The following SAMD5 variants were observed in gnomAD, a reference collection of about 807,000 sequenced individuals.
The protein encoded by SAMD5 is sterile alpha motif domain-containing protein 5.
A neutral mutation model predicts 11.3 loss-of-function variants in SAMD5; 13 were observed. The observed-to-expected ratio is 1.15, with a 90% CI of 0.75 to 1.83. The LOEUF is 1.83. SAMD5 is among the 40% of genes most tolerant of loss of function. The pLI, the probability that SAMD5 is intolerant of heterozygous loss-of-function variation, is 0.00. For missense variants in SAMD5, 255 were observed against 239.1 expected, an observed-to-expected ratio of 1.07 and a Z score of -0.44; for synonymous variants, 129 against 111.3, an observed-to-expected ratio of 1.16 and a Z score of -1.00.
intron 1 of SAMD5, among the ~76,000 whole-genome samples, chr6:147,673,421 G>C (rs1216916797): frequency 1.3e-5 from 2 of 152,092 alleles, no homozygotes; most frequent in African/African-American, 4.8e-5. Flanking sequence ...CACTGTGTTA[G>C]CCAGGATGGT....
At chr6:147,772,298 T>C in the SAMD5 span, among the ~76,000 whole-genome samples, 2 of 152,132 alleles carry the variant, frequency 1.3e-5, no homozygotes, top group African/African-American at 4.8e-5. Flanking sequence ...AGAAGTCAGC[T>C]GGACAAATGG....
rs116820432 is a variant in SAMD5, at chr6:147,565,986, C to G, written c.*1530C>G. The G allele has an allele frequency of 1.0e-6, 1 of 985,180 alleles. No individual in the cohort carries two copies. 61.0% of individuals were successfully genotyped at this position (985,180 alleles called of 1,614,324 possible). Reference sequence around the variant, plus strand: ...CCGTCATGGTAAGAAGAATAAGAAACTCTCAAAGGAAAAGAAACTTACATT... The same window carrying G: ...CCGTCATGGTAAGAAGAATAAGAAAGTCTCAAAGGAAAAGAAACTTACATT... On this transcript the variant is annotated 3_prime_UTR_variant, in exon 2 of 2. Coordinates refer to ENST00000367474, the MANE Select transcript of SAMD5 (RefSeq NM_001030060.3).
chr6:147,775,670 T>C, the SAMD5 span, among the ~76,000 whole-genome samples: 3 of 152,170 alleles, frequency 2.0e-5, no homozygotes, highest in African/African-American at 7.2e-5. Context: ...AGTTGGGAAA[T>C]GGAAGAAGAA....
At chr6:147,633,523 C>T (rs1181510011) in intron 1 of SAMD5, among the ~76,000 whole-genome samples, 1 of 152,074 alleles carries the variant, frequency 6.6e-6, no homozygotes, top group Non-Finnish European at 1.5e-5. Context: ...AGGGAGGAAG[C>T]TTATACCACC....
At chr6:147,915,572 C>A in the SAMD5 span, among the ~76,000 whole-genome samples, 2 of 152,132 alleles carry the variant, frequency 1.3e-5, no homozygotes, top group African/African-American at 4.8e-5. Context: ...TAAGCCATTG[C>A]GCATCAAGTG....
the SAMD5 span, among the ~76,000 whole-genome samples, chr6:147,816,511 G>A: frequency 2.6e-5 from 4 of 151,436 alleles, no homozygotes; most frequent in South Asian, 8.3e-4. Context: ...GAGTACTTAT[G>A]TAATATTATC....
rs899735206 is a variant in SAMD5 at position 147,569,664 on chromosome 6, G to A, written c.*5208G>A. ...TATTGTTCATTGCACTTGTTGCCCT[G>A]TTCCCCAAGCTTGTCAATGTTTAGA... is the stretch of plus-strand genomic sequence containing the variant. On this transcript the variant is annotated 3_prime_UTR_variant, in exon 2 of 2. Transcript: ENST00000367474. The A allele has an allele frequency of 3.0e-6, 3 of 985,286 alleles. No individual in the cohort carries two copies. The highest frequency in any genetic ancestry group is 3.5e-5 in the African/African-American group (2 of 57,244). The allele number at this position is 985,286 out of a possible 1,614,324, so 61.0% of individuals were successfully genotyped here.
chr6:147,589,494 A>G (rs1421873536), intron 1 of SAMD5, among the ~76,000 whole-genome samples: 1 of 152,116 alleles, frequency 6.6e-6, no homozygotes, highest in African/African-American at 2.4e-5. Context: ...ACCTGGGTCC[A>G]AATCCCAGCT....
intron 1 of SAMD5, among the ~76,000 whole-genome samples, chr6:147,583,825 A>ACG (rs1789336177): frequency 1.3e-5 from 2 of 152,002 alleles, no homozygotes; most frequent in South Asian, 4.2e-4. Context: ...TCAAACACAC[A>ACG]CACACACACA....
At chr6:147,882,122 C>G in the SAMD5 span, among the ~76,000 whole-genome samples, 1 of 152,146 alleles carries the variant, frequency 6.6e-6, no homozygotes, top group South Asian at 2.1e-4. Flanking sequence ...AAATTTTCTT[C>G]TCAGTTGTAG....
At chr6:147,681,765 CAG>C (rs1562350572) in intron 1 of SAMD5, among the ~76,000 whole-genome samples, 1 of 152,158 alleles carries the variant, frequency 6.6e-6, no homozygotes. Context: ...AGGACCCAAA[CAG>C]TGTTTATTCT....
chr6:147,534,617 T>TA (rs1218856616), intron 1 of SAMD5, among the ~76,000 whole-genome samples: 1 of 152,136 alleles, frequency 6.6e-6, no homozygotes, highest in Non-Finnish European at 1.5e-5. Flanking sequence ...GAGTTAGGGT[T>TA]AAAATCATAG....
At chr6:147,783,634 A>G in the SAMD5 span, among the ~76,000 whole-genome samples, 1 of 152,050 alleles carries the variant, frequency 6.6e-6, no homozygotes, top group Non-Finnish European at 1.5e-5. Context: ...CCTGACCTCA[A>G]GTGATCTGCC....
chr6:147,943,018 G>A, the SAMD5 span, among the ~76,000 whole-genome samples: 3 of 151,746 alleles, frequency 2.0e-5, no homozygotes, highest in South Asian at 2.1e-4. Flanking sequence ...ATGGAGTTTT[G>A]CTATATTGGC....
chr6:147,798,497 C>T, the SAMD5 span, among the ~76,000 whole-genome samples: 1 of 149,534 alleles, frequency 6.7e-6, no homozygotes, highest in South Asian at 2.2e-4. Flanking sequence ...AGTATGTGGT[C>T]AATTTTGGAA....
At chr6:147,563,695 G>C (rs541896119) in intron 1 of SAMD5, among the ~76,000 whole-genome samples, 1 of 152,216 alleles carries the variant, frequency 6.6e-6, no homozygotes, top group African/African-American at 2.4e-5. Context: ...ACCTATCAGA[G>C]CTTGGAGATA....
At position 147,565,717 on chromosome 6, in the gene SAMD5, C is replaced by A; in HGVS notation, c.*1261C>A. ...TCAAATGATCCACTCGCCGTGGCCT[C>A]CAGTAGCGCTGGGATTACAGGCGTG... On this transcript the variant is annotated 3_prime_UTR_variant, in exon 2 of 2. Coordinates refer to ENST00000367474, the MANE Select transcript of SAMD5 (RefSeq NM_001030060.3). 1.0e-6 allele frequency: 1 copy of A among 958,882 alleles called. No individual in the cohort carries two copies. The highest frequency in any genetic ancestry group is 1.2e-6 in the Non-Finnish European group (1 of 805,866). 59.4% of individuals were successfully genotyped at this position (958,882 alleles called of 1,614,324 possible).
chr6:147,945,288 C>A, the SAMD5 span, among the ~76,000 whole-genome samples: 1 of 152,162 alleles, frequency 6.6e-6, no homozygotes, highest in African/African-American at 2.4e-5. Flanking sequence ...ATATCCACAG[C>A]CAGAACTGAC....
the SAMD5 span, among the ~76,000 whole-genome samples, chr6:147,796,891 T>C: frequency 6.7e-6 from 1 of 149,702 alleles, no homozygotes; most frequent in Non-Finnish European, 1.5e-5. Flanking sequence ...TGTATAGGAA[T>C]GCTTGTGATT....
Sources: gnomAD v4.1 joint callset for allele counts (sites outside exome capture counted in the v4.1 genomes callset) on GRCh38, gnomAD v4.1.1 for gene constraint, MANE v1.5 for transcripts, NCBI Gene and HGNC (gene_info 2026-07-23, HGNC 2026-07-21) for gene names.